KCNAB1: variants seen among roughly 807,000 people sequenced by gnomAD.
KCNAB1 encodes the protein potassium voltage-gated channel subfamily A regulatory beta subunit 1, also known as voltage-gated potassium channel subunit beta-1.
Under a neutral mutation model 64.6 loss-of-function variants are expected in KCNAB1, and 35 were observed. The observed-to-expected ratio is 0.54, with a 90% CI of 0.41 to 0.72. The LOEUF (loss-of-function observed/expected upper bound fraction) is 0.72, where lower values mean the gene tolerates loss of function less well. KCNAB1 is among the 30% of genes least tolerant of loss of function. The pLI is 0.00. For missense variants in KCNAB1, 401 were observed against 512.9 expected (o/e 0.78, Z 2.11); for synonymous variants, 177 against 183.8 (o/e 0.96, Z 0.30).
chr3:156,527,718 ATT>A (rs201009448), intron 12 of KCNAB1, among the ~76,000 whole-genome samples: 1,770 of 152,216 alleles, frequency 0.012, 12 homozygotes, highest in Non-Finnish European at 0.014. Context: ...TAAATAAATA[ATT>A]TTGTTTATAG....
At position 156,322,179 on chromosome 3, in the gene KCNAB1, C is replaced by T. The variant is rs1056672085; in HGVS notation, c.276-99437C>T. Among the ~76,000 whole-genome samples the T allele has an allele frequency of 6.6e-5, 10 of 152,320 alleles. 1 individual carries two copies. The highest frequency in any genetic ancestry group is 6.2e-4 in the South Asian group (3 of 4,828). On this transcript the variant is annotated intron_variant, in intron 1 of 13. Coordinates refer to ENST00000490337, the MANE Select transcript of KCNAB1 (RefSeq NM_172160.3). The stretch of plus-strand genomic sequence containing the variant: ...AGGGCAGATTCTCCCAGCTCATACT[C>T]GTCCCAGAACAGTTCTTAGATGAAG...
intron 1 of KCNAB1, among the ~76,000 whole-genome samples, chr3:156,406,865 T>G (rs1047526009): frequency 1.3e-5 from 2 of 152,062 alleles, no homozygotes; most frequent in Non-Finnish European, 2.9e-5. Flanking sequence ...AAAGGGAGAT[T>G]AGGCACATAG....
rs545423066 is a variant in KCNAB1, at chr3:156,500,077, C to A, written c.659-14287C>A. On this transcript the variant is annotated intron_variant, in intron 8 of 13. Coordinates refer to ENST00000490337, the MANE Select transcript of KCNAB1 (RefSeq NM_172160.3). The stretch of plus-strand genomic sequence containing the variant: ...TGCAAGGTAGGCTCTGGGTTGTAAG[C>A]TAAATGATCCTTTTGTTTTTCCCCT... Among the ~76,000 whole-genome samples the A allele has an allele frequency of 2.0e-5, 3 of 152,330 alleles. No individual in the cohort carries two copies. The East Asian group carries it at 5.8e-4, about 29-fold the overall frequency.
chr3:156,201,836 T>C (rs1490023995), intron 1 of KCNAB1, among the ~76,000 whole-genome samples: 1 of 152,158 alleles, frequency 6.6e-6, no homozygotes, highest in Admixed American at 6.5e-5. Flanking sequence ...TCAGGCAGGC[T>C]AGTGCATGTC....
chr3:156,494,244 A>T (rs767462279), intron 8 of KCNAB1, among the ~76,000 whole-genome samples: 2 of 152,130 alleles, frequency 1.3e-5, no homozygotes, highest in East Asian at 1.9e-4. Context: ...ATATGAACTC[A>T]TAGATTCTGA....
intron 1 of KCNAB1, among the ~76,000 whole-genome samples, chr3:156,394,218 A>T (rs536528563): frequency 6.6e-6 from 1 of 152,348 alleles, no homozygotes; most frequent in South Asian, 2.1e-4. Flanking sequence ...GAAACCTGGA[A>T]ATACAAACTC....
chr3:156,247,871 A>T (rs1717561475), intron 1 of KCNAB1, among the ~76,000 whole-genome samples: 1 of 151,362 alleles, frequency 6.6e-6, no homozygotes, highest in Non-Finnish European at 1.5e-5. Flanking sequence ...AGTCTAGGAC[A>T]GTCTTTTTTT....
intron 8 of KCNAB1, among the ~76,000 whole-genome samples, chr3:156,493,467 A>AT (rs1470561587): frequency 6.6e-6 from 1 of 152,126 alleles, no homozygotes; most frequent in African/African-American, 2.4e-5. Flanking sequence ...AATTTCAGAC[A>AT]TAAAAAGTAA....
intron 8 of KCNAB1, among the ~76,000 whole-genome samples, chr3:156,502,983 A>G (rs1716550940): frequency 6.6e-6 from 1 of 152,250 alleles, no homozygotes; most frequent in Non-Finnish European, 1.5e-5. Context: ...GTGTTTTTAA[A>G]TGAATTAGAA....
chr3:156,206,688 A>G (rs944049407), intron 1 of KCNAB1, among the ~76,000 whole-genome samples: 8 of 152,208 alleles, frequency 5.3e-5, no homozygotes, highest in Admixed American at 1.3e-4. Flanking sequence ...TCAACATATA[A>G]CAGCCACCTG....
intron 8 of KCNAB1, among the ~76,000 whole-genome samples, chr3:156,479,406 G>T (rs1394984670): frequency 6.6e-6 from 1 of 152,060 alleles, no homozygotes; most frequent in East Asian, 1.9e-4. Flanking sequence ...GCCATATGAG[G>T]AGTTTTTTGG....
At chr3:156,479,150 T>C (rs1478695919) in intron 8 of KCNAB1, among the ~76,000 whole-genome samples, 1 of 152,156 alleles carries the variant, frequency 6.6e-6, no homozygotes, top group East Asian at 1.9e-4. Flanking sequence ...GATGGCATGT[T>C]TTCCAGTCCT....
intron 8 of KCNAB1, among the ~76,000 whole-genome samples, chr3:156,491,314 A>G (rs1175898694): frequency 6.6e-6 from 1 of 152,116 alleles, no homozygotes; most frequent in Non-Finnish European, 1.5e-5. Flanking sequence ...CAGCAGGACG[A>G]TGGAGGGCTC....
intron 8 of KCNAB1, among the ~76,000 whole-genome samples, chr3:156,486,142 C>G (rs1049378696): frequency 3.9e-5 from 6 of 152,072 alleles, no homozygotes; most frequent in Admixed American, 3.3e-4. Flanking sequence ...GCCTGTCCCC[C>G]ACAACCTTGT....
At chr3:156,302,233 C>T (rs146747106) in intron 1 of KCNAB1, among the ~76,000 whole-genome samples, 1 of 152,258 alleles carries the variant, frequency 6.6e-6, no homozygotes, top group East Asian at 1.9e-4. Flanking sequence ...GTGATAACAT[C>T]GAGCCCACCT....
At chr3:156,215,821 A>G (rs13062883) in intron 1 of KCNAB1, 18,231 of 152,264 alleles carry the variant, frequency 0.12, 1,252 homozygotes, top group Non-Finnish European at 0.15. Context: ...GGATTCATAT[A>G]GAATGGGTGG....
chr3:156,323,888 T>G (rs1576725162), intron 1 of KCNAB1, among the ~76,000 whole-genome samples: 1 of 152,328 alleles, frequency 6.6e-6, no homozygotes, highest in East Asian at 1.9e-4. Context: ...GGAAATGGCT[T>G]TTATTAAGTA....
intron 1 of KCNAB1, among the ~76,000 whole-genome samples, chr3:156,136,555 T>C (rs1238336671): frequency 6.6e-6 from 1 of 152,236 alleles, no homozygotes; most frequent in Non-Finnish European, 1.5e-5. Context: ...AATACTATCA[T>C]GATCTCAAAC....
At chr3:156,178,970 C>CA (rs1205956563) in intron 1 of KCNAB1, among the ~76,000 whole-genome samples, 1 of 132,560 alleles carries the variant, frequency 7.5e-6, no homozygotes, top group Non-Finnish European at 1.5e-5. Flanking sequence ...CACTGCACTC[C>CA]AACCTGGGAG....
Sources: gnomAD v4.1 joint callset for allele counts (sites outside exome capture counted in the v4.1 genomes callset) on GRCh38, gnomAD v4.1.1 for gene constraint, MANE v1.5 for transcripts, NCBI Gene and HGNC (gene_info 2026-07-23, HGNC 2026-07-21) for gene names.